The following MTUS2 variants were observed in gnomAD, a reference collection of about 807,000 sequenced individuals.
The protein encoded by MTUS2 is microtubule-associated tumor suppressor candidate 2.
Under a neutral mutation model 114.1 loss-of-function variants are expected in MTUS2, and 40 were observed. That is an observed-to-expected ratio of 0.35 (90% CI 0.27 to 0.46). MTUS2 has a LOEUF of 0.46. Among genes scored for constraint, MTUS2 ranks in the 20% least tolerant of loss-of-function variants. The pLI is 1.00. For missense variants in MTUS2, 1,679 were observed against 1,705.4 expected (o/e 0.98, Z 0.27); for synonymous variants, 688 against 672.0 (o/e 1.02, Z -0.37).
chr13:29,210,959 T>G (rs533604812), intron 5 of MTUS2, among the ~76,000 whole-genome samples: 44 of 152,088 alleles, frequency 2.9e-4, no homozygotes, highest in African/African-American at 9.9e-4. Context: ...GTAGGGAGGA[T>G]ACAAGCTTGC....
chr13:29,478,448 A>G (rs116406745), intron 9 of MTUS2, among the ~76,000 whole-genome samples: 1,554 of 152,258 alleles, frequency 0.01, 26 homozygotes, highest in African/African-American at 0.035. Flanking sequence ...CTGTACTTCT[A>G]TGTTTTCTCT....
chr13:29,193,062 T>C (rs1166172948), intron 5 of MTUS2, among the ~76,000 whole-genome samples: 1 of 152,204 alleles, frequency 6.6e-6, no homozygotes, highest in Non-Finnish European at 1.5e-5. Flanking sequence ...ATTTACATTT[T>C]AGGTCAATGA....
chr13:28,951,931 CAGGGCAGGGTGGCATTTGTTGA>C lies in MTUS2; in HGVS notation c.-242-72516_-242-72495del, dbSNP rs1222288865. Among the ~76,000 whole-genome samples the C allele has an allele frequency of 2.6e-5, 4 of 152,016 alleles. No individual in the cohort carries two copies. In the East Asian group the frequency reaches 7.7e-4, roughly 29 times the overall value. ...AGGTGACAGAGCTTCTGGTACTGGC[CAGGGCAGGGTGGCATTTGTTGA>C]AGGGCAGGGCTGGTGATAGAGTGCC... On this transcript the variant is annotated intron_variant, in intron 2 of 15. Coordinates refer to ENST00000612955, the MANE Select transcript of MTUS2 (RefSeq NM_001033602.4).
chr13:29,177,526 A>G (rs1369045415), intron 5 of MTUS2, among the ~76,000 whole-genome samples: 2 of 152,072 alleles, frequency 1.3e-5, no homozygotes, highest in Non-Finnish European at 2.9e-5. Context: ...TGATCTCAGA[A>G]CCTTTTTCAC....
chr13:28,977,343 A>G (rs1254100595), intron 2 of MTUS2, among the ~76,000 whole-genome samples: 1 of 152,152 alleles, frequency 6.6e-6, no homozygotes, highest in Non-Finnish European at 1.5e-5. Context: ...TTAGCTTAGG[A>G]GAAGGAATAG....
intron 1 of MTUS2, among the ~76,000 whole-genome samples, chr13:28,827,969 T>C (rs1484021602): frequency 1.3e-5 from 2 of 151,852 alleles, no homozygotes; most frequent in Non-Finnish European, 2.9e-5. Flanking sequence ...GGAGACAGGG[T>C]TTGAGAGCAG....
At chr13:29,338,591 G>GAAAAC (rs202086211) in intron 7 of MTUS2, among the ~76,000 whole-genome samples, 1 of 134,518 alleles carries the variant, frequency 7.4e-6, no homozygotes, top group Admixed American at 7.0e-5. Context: ...CTCCATCTCA[G>GAAAAC]AAAACAAAAA....
At chr13:28,970,181 G>A (rs899158401) in intron 2 of MTUS2, among the ~76,000 whole-genome samples, 4 of 152,132 alleles carry the variant, frequency 2.6e-5, no homozygotes, top group African/African-American at 9.7e-5. Flanking sequence ...TTATGAAAAT[G>A]ATTTTTAAAA....
chr13:29,026,375 C>T lies in MTUS2; in HGVS notation c.1677C>T (p.Ser559=), dbSNP rs200667575. Residue 559 remains serine (S), a synonymous_variant, in exon 3 of 16, where the codon AGC becomes AGT. Transcript: ENST00000612955. ...TTPSSSFQDV[S]VFGMDAGSPL... is the part of the protein sequence containing the mutation. ...CCAGTAGCAGTTTTCAGGATGTTAG[C>T]GTGTTCGGTATGGATGCGGGGTCCC... 1.2e-3 allele frequency: 1,867 copies of T among 1,613,792 alleles called. 28 individuals are homozygous for T. Among genetic ancestry groups the T allele is most frequent in the Non-Finnish European group, 2.2e-4 (257 of 1,179,874 alleles).
intron 7 of MTUS2, 104 bp from the exon 8 acceptor site, chr13:29,359,158 C>A (rs1870012843): frequency 1.8e-6 from 2 of 1,122,838 alleles, no homozygotes; most frequent in East Asian, 2.6e-5. Flanking sequence ...TGGGCAATTT[C>A]TTCTCTACCA....
chr13:29,440,689 A>C (rs1237794948), intron 9 of MTUS2, among the ~76,000 whole-genome samples: 5 of 152,032 alleles, frequency 3.3e-5, no homozygotes, highest in Non-Finnish European at 7.3e-5. Context: ...CCCAGGAATC[A>C]GTCAGCAAAG....
Position 29,025,497 on chromosome 13 carries a change from C to T in MTUS2, c.799C>T (p.Leu267=). ...SETQTVGAHV[L]QVCSEHTSHS... ...GACCCAAACAGTGGGGGCACATGTA[C>T]TGCAGGTGTGCAGTGAGCACACATC... The change falls in exon 3 of 16, where the codon CTG becomes TTG. Residue 267 remains leucine (L), a synonymous_variant. Transcript: ENST00000612955. 1 of 1,613,554 alleles carries T rather than the reference C, an allele frequency of 6.2e-7. No individual in the cohort carries two copies. The highest frequency in any genetic ancestry group is 8.5e-7 in the Non-Finnish European group (1 of 1,179,674).
At chr13:29,063,029 G>C (rs1888494957) in intron 4 of MTUS2, among the ~76,000 whole-genome samples, 1 of 152,170 alleles carries the variant, frequency 6.6e-6, no homozygotes, top group Middle Eastern at 3.2e-3. Context: ...TCTTGTTTGA[G>C]TGCTCAAAAT....
rs1465781969 is a variant in MTUS2 at position 29,428,402 on chromosome 13, T to C, written c.3118-11581T>C. On this transcript the variant is annotated intron_variant, in intron 8 of 15. Coordinates refer to ENST00000612955, the MANE Select transcript of MTUS2 (RefSeq NM_001033602.4). ...GTGCTTCCTGCGTCCGCTCCAGGCG[T>C]GTCTGCGCGGTGCGGAGGCGCATCC... Among the ~76,000 whole-genome samples the C allele has an allele frequency of 3.9e-5, 6 of 152,238 alleles. No individual in the cohort carries two copies. The East Asian group carries it at 1.2e-3, about 29-fold the overall frequency.
chr13:28,884,201 A>T (rs541927468), intron 2 of MTUS2, among the ~76,000 whole-genome samples: 16 of 152,212 alleles, frequency 1.1e-4, no homozygotes, highest in African/African-American at 3.6e-4. Flanking sequence ...GTATATACAT[A>T]TGATGGAATA....
intron 2 of MTUS2, among the ~76,000 whole-genome samples, chr13:28,857,458 T>G (rs921615751): frequency 6.6e-6 from 1 of 152,134 alleles, no homozygotes; most frequent in Non-Finnish European, 1.5e-5. Flanking sequence ...GTAAAGATAC[T>G]GCACACGTGG....
chr13:28,915,641 G>C (rs1043702927), intron 2 of MTUS2, among the ~76,000 whole-genome samples: 6 of 151,846 alleles, frequency 4.0e-5, no homozygotes, highest in Admixed American at 3.9e-4. Flanking sequence ...TTTAAAATCA[G>C]ATTATTAGAT....
At chr13:28,886,462 A>G (rs532601060) in intron 2 of MTUS2, among the ~76,000 whole-genome samples, 1 of 152,228 alleles carries the variant, frequency 6.6e-6, no homozygotes, top group African/African-American at 2.4e-5. Context: ...GGAAGTGCTG[A>G]TGGATTAGCT....
chr13:29,100,589 A>G (rs1012041374), intron 4 of MTUS2, among the ~76,000 whole-genome samples, 184 bp from the exon 5 acceptor site: 3 of 152,144 alleles, frequency 2.0e-5, no homozygotes, highest in East Asian at 1.9e-4. Flanking sequence ...TCTCTGAGGC[A>G]CCTGACCCAC....
Sources: gnomAD v4.1 joint callset for allele counts (sites outside exome capture counted in the v4.1 genomes callset) on GRCh38, gnomAD v4.1.1 for gene constraint, MANE v1.5 for transcripts, NCBI Gene and HGNC (gene_info 2026-07-23, HGNC 2026-07-21) for gene names.